Variants in DNAJB6 observed in about 807,000 individuals in gnomAD.
The protein encoded by DNAJB6 is DnaJ heat shock protein family (Hsp40) member B6, also known as dnaJ homolog subfamily B member 6.
DNAJB6 carries 16 observed loss-of-function variants against 42.7 expected under a neutral mutation model. The observed-to-expected ratio is 0.37, with a 90% CI of 0.25 to 0.57. DNAJB6 has a LOEUF of 0.57. Ranked by LOEUF, DNAJB6 falls within the 20% of genes least tolerant of loss-of-function variation. The pLI, the probability that DNAJB6 is intolerant of heterozygous loss-of-function variation, is 0.74. For missense variants in DNAJB6, 347 were observed against 416.8 expected (o/e 0.83, Z 1.46); for synonymous variants, 170 against 163.5 (o/e 1.04, Z -0.30).
chr7:157,403,988 T>A (rs1484413260), intron 8 of DNAJB6, among the ~76,000 whole-genome samples: 2 of 151,954 alleles, frequency 1.3e-5, no homozygotes, highest in African/African-American at 4.8e-5. Context: ...GGTTTTTTTT[T>A]AAGGCAGGAT....
chr7:157,341,870 A>C (rs900275229), intron 1 of DNAJB6, among the ~76,000 whole-genome samples: 16 of 152,214 alleles, frequency 1.1e-4, no homozygotes, highest in Admixed American at 8.5e-4. Context: ...TACTTAACCG[A>C]GTGTTGCTTT....
rs74837091 is a variant in DNAJB6, at chr7:157,404,811, G to T, written c.692-4984G>T. Among the ~76,000 whole-genome samples, 30 of 152,156 alleles carry T rather than the reference G, an allele frequency of 2.0e-4. No individual in the cohort carries two copies. In the East Asian group the frequency reaches 5.8e-3, roughly 29 times the overall value. ...GTGAGCCACCGTGCCTGGCCCAGAT[G>T]GGGTCTTTCTGTGTTACCCAAGCTG... is the stretch of plus-strand genomic sequence containing the variant. On this transcript the variant is annotated intron_variant, in intron 8 of 9. Transcript: ENST00000262177.
Position 157,391,608 on chromosome 7 carries a change from G to A in DNAJB6, c.691+5997G>A, listed in dbSNP as rs1801344931. ...ATCTAGTGAGTGGCTGGGCACAGTT[G>A]TCCCCATCCATGGCGGATGCCTGGT... is the stretch of plus-strand genomic sequence containing the variant. On this transcript the variant is annotated intron_variant, in intron 8 of 9. Transcript: ENST00000262177. Among the ~76,000 whole-genome samples the A allele has an allele frequency of 2.0e-5, 3 of 152,184 alleles. No homozygotes were observed. In the South Asian group the frequency reaches 6.2e-4, roughly 31 times the overall value.
intron 8 of DNAJB6, chr7:157,386,295 TTG>T (rs1269079160): frequency 1.0e-6 from 1 of 985,014 alleles, no homozygotes; most frequent in African/African-American, 1.7e-5. Context: ...TGCGAATGTG[TTG>T]GTGCATTCTT....
intron 1 of DNAJB6, among the ~76,000 whole-genome samples, chr7:157,347,961 A>T (rs1798772067): frequency 1.3e-5 from 2 of 150,598 alleles, no homozygotes; most frequent in Admixed American, 6.7e-5. Flanking sequence ...ATGCCTAGCT[A>T]ATTTTTGTAT....
At chr7:157,391,286 TGCTCGTCA>T (rs1413292968) in intron 8 of DNAJB6, among the ~76,000 whole-genome samples, 12 of 152,260 alleles carry the variant, frequency 7.9e-5, no homozygotes, top group Non-Finnish European at 1.8e-4. Flanking sequence ...AGAACTTTGC[TGCTCGTCA>T]GCTCTAAGCC....
At chr7:157,397,679 T>C (rs1801658723) in intron 8 of DNAJB6, among the ~76,000 whole-genome samples, 1 of 152,260 alleles carries the variant, frequency 6.6e-6, no homozygotes, top group Non-Finnish European at 1.5e-5. Flanking sequence ...GGAGCAGTTA[T>C]TTCCAAACCG....
intron 6 of DNAJB6, among the ~76,000 whole-genome samples, chr7:157,384,661 A>G (rs932861583): frequency 7.2e-5 from 11 of 152,204 alleles, no homozygotes; most frequent in African/African-American, 2.2e-4. Context: ...GCGTTGCCCT[A>G]GAGTCCCCAC....
chr7:157,376,835 G>A (rs146198847), intron 5 of DNAJB6, among the ~76,000 whole-genome samples: 1 of 152,140 alleles, frequency 6.6e-6, no homozygotes, highest in Non-Finnish European at 1.5e-5. Flanking sequence ...AGCCAAGATC[G>A]CGCCACTACA....
chr7:157,354,836 G>A (rs771005971), intron 1 of DNAJB6, among the ~76,000 whole-genome samples: 13 of 152,186 alleles, frequency 8.5e-5, no homozygotes, highest in Non-Finnish European at 1.0e-4. Context: ...TGACGTTGGC[G>A]AAGGTGAACA....
chr7:157,368,021 T>A (rs2116998875), intron 5 of DNAJB6, among the ~76,000 whole-genome samples: 1 of 152,044 alleles, frequency 6.6e-6, no homozygotes, highest in Non-Finnish European at 1.5e-5. Context: ...CCCAGCTACT[T>A]GGGAGGCTGA....
intron 1 of DNAJB6, among the ~76,000 whole-genome samples, chr7:157,352,600 C>CT (rs1227497372): frequency 3.9e-5 from 6 of 152,184 alleles, no homozygotes; most frequent in South Asian, 2.1e-4. Flanking sequence ...AGGCGGCTGT[C>CT]TGTGTGCCCA....
At chr7:157,379,503 T>TG (rs1800642821) in intron 5 of DNAJB6, 1 of 152,236 alleles carries the variant, frequency 6.6e-6, no homozygotes, top group South Asian at 2.1e-4. Context: ...CCTTTCTCAC[T>TG]GTCACACTCT....
Position 157,371,395 on chromosome 7 carries a change from G to A in DNAJB6, c.346+3912G>A, listed in dbSNP as rs117846908. On this transcript the variant is annotated intron_variant, in intron 5 of 9. Coordinates refer to ENST00000262177, the MANE Select transcript of DNAJB6 (RefSeq NM_058246.4). ...ACCTCCCTCATGATAGGTGGGGAAG[G>A]GTGAAGGGGTGCCGGATGTTGGACA... 5.3e-4 allele frequency among the ~76,000 whole-genome samples: 81 copies of A among 152,396 alleles called. 1 individual carries two copies. The East Asian group carries it at 0.014, about 27-fold the overall frequency.
chr7:157,401,622 G>C (rs1334644238), intron 8 of DNAJB6, among the ~76,000 whole-genome samples: 1 of 152,212 alleles, frequency 6.6e-6, no homozygotes, highest in Non-Finnish European at 1.5e-5. Flanking sequence ...ATCTGTGTGT[G>C]AGTTTTTGGG....
intron 5 of DNAJB6, among the ~76,000 whole-genome samples, chr7:157,372,483 A>G (rs949052701): frequency 2.6e-5 from 4 of 152,244 alleles, no homozygotes; most frequent in African/African-American, 9.6e-5. Context: ...CGGCACCACC[A>G]TAAAGTGTCA....
chr7:157,400,994 A>G (rs1422480480), intron 8 of DNAJB6, among the ~76,000 whole-genome samples: 2 of 151,946 alleles, frequency 1.3e-5, no homozygotes, highest in Non-Finnish European at 2.9e-5. Flanking sequence ...GTGAGGTAAA[A>G]CCACTCCTGA....
At chr7:157,397,772 C>T (rs1166721034) in intron 8 of DNAJB6, among the ~76,000 whole-genome samples, 1 of 152,214 alleles carries the variant, frequency 6.6e-6, no homozygotes, top group Non-Finnish European at 1.5e-5. Flanking sequence ...TCCCTCTCGA[C>T]CTCTGCCCTT....
At chr7:157,401,276 T>A (rs1172866338) in intron 8 of DNAJB6, among the ~76,000 whole-genome samples, 1 of 152,210 alleles carries the variant, frequency 6.6e-6, no homozygotes, top group East Asian at 1.9e-4. Context: ...TGGAGTGCGA[T>A]GGCGCCATCT....
Sources: allele counts gnomAD v4.1 joint callset (sites outside exome capture counted in the v4.1 genomes callset), GRCh38; gene constraint gnomAD v4.1.1; transcripts MANE v1.5; gene names NCBI Gene and HGNC (gene_info 2026-07-23, HGNC 2026-07-21).